Variants in KCNQ3 observed in about 807,000 individuals in gnomAD.
The protein encoded by KCNQ3 is potassium voltage-gated channel subfamily KQT member 3.
Under a neutral mutation model 92.5 loss-of-function variants are expected in KCNQ3, and 30 were observed. That is an observed-to-expected ratio of 0.32 (90% CI 0.24 to 0.44). The LOEUF (loss-of-function observed/expected upper bound fraction) is 0.44, where lower values mean the gene tolerates loss of function less well. Ranked by LOEUF, KCNQ3 falls within the 20% of genes least tolerant of loss-of-function variation. KCNQ3 has a pLI of 1.00. For synonymous variants in KCNQ3, 450 were observed against 468.8 expected (o/e 0.96, Z 0.52); for missense variants, 913 against 1,140.3 (o/e 0.80, Z 2.87).
At position 132,129,430 on chromosome 8, in the gene KCNQ3, C is replaced by A. The variant is rs754874948; in HGVS notation, c.2451G>T (p.Val817=). 8 of 1,614,094 alleles carry A rather than the reference C, an allele frequency of 5.0e-6. No individual in the cohort carries two copies. The Admixed American group carries it at 6.7e-5, about 13-fold the overall frequency. The part of the protein sequence containing the change: ...FSISQDRDDY[V]FGPNGGSSWM... ...AGCTCGACCCCCCATTGGGGCCGAA[C>A]ACATAATCATCTCTGTCCTGGGAGA... The change falls in exon 15 of 15, where the codon GTG becomes GTT. Residue 817 remains valine (V), a synonymous_variant. Transcript: ENST00000388996. The surrounding 1 kb of genome is among the most constrained non-coding windows in gnomAD (Gnocchi z 5.9).
At chr8:132,303,593 ATATATATGGTGTG>A (rs1392674569) in intron 1 of KCNQ3, among the ~76,000 whole-genome samples, 10 of 42,696 alleles carry the variant, frequency 2.3e-4, no homozygotes, top group South Asian at 9.6e-4. Context: ...GTGTGTGTAT[ATATATATGGTGTG>A]TATATATATA....
At position 132,405,854 on chromosome 8, in the gene KCNQ3, G is replaced by A. The variant is rs568725055; in HGVS notation, c.386+74293C>T. ...AGGAGGAGAATAAAAAGGCACCCTA[G>A]AGGAGGTGGTCCTGAAATGAACAGC... is the stretch of plus-strand genomic sequence containing the variant. On this transcript the variant is annotated intron_variant, in intron 1 of 14. Coordinates refer to ENST00000388996, the MANE Select transcript of KCNQ3 (RefSeq NM_004519.4). 3.3e-5 allele frequency among the ~76,000 whole-genome samples: 5 copies of A among 152,288 alleles called. No homozygotes were observed. In the East Asian group the frequency reaches 9.7e-4, roughly 29 times the overall value.
At chr8:132,297,530 G>C (rs2130573290) in intron 1 of KCNQ3, among the ~76,000 whole-genome samples, 1 of 152,230 alleles carries the variant, frequency 6.6e-6, no homozygotes, top group Admixed American at 6.5e-5. Context: ...GCTTTTCCTA[G>C]AGCCTTTCCC....
At chr8:132,370,126 C>T (rs529842666) in intron 1 of KCNQ3, among the ~76,000 whole-genome samples, 3 of 152,152 alleles carry the variant, frequency 2.0e-5, no homozygotes, top group South Asian at 2.1e-4. Context: ...TGGTTTCCAA[C>T]GGCTGTTACC....
intron 1 of KCNQ3, among the ~76,000 whole-genome samples, chr8:132,267,361 C>T (rs553837345): frequency 6.6e-6 from 1 of 152,144 alleles, no homozygotes; most frequent in South Asian, 2.1e-4. Context: ...GTATTGCCCA[C>T]GTCCTCTGTG....
chr8:132,409,013 T>C (rs1440476142), intron 1 of KCNQ3, among the ~76,000 whole-genome samples: 1 of 152,224 alleles, frequency 6.6e-6, no homozygotes. Flanking sequence ...ACAGAACTTG[T>C]AAGATAATAA....
At chr8:132,313,076 G>A (rs1817641771) in intron 1 of KCNQ3, among the ~76,000 whole-genome samples, 1 of 152,200 alleles carries the variant, frequency 6.6e-6, no homozygotes. Flanking sequence ...GTGGCAGTGA[G>A]CAAGGCCAAC....
intron 1 of KCNQ3, among the ~76,000 whole-genome samples, chr8:132,353,028 C>A (rs1165391226): frequency 6.6e-6 from 1 of 152,094 alleles, no homozygotes; most frequent in African/African-American, 2.4e-5. Context: ...AGTTTGAGAC[C>A]AGCCTGCCCA....
chr8:132,273,519 A>G (rs1816228993), intron 1 of KCNQ3, among the ~76,000 whole-genome samples: 1 of 152,208 alleles, frequency 6.6e-6, no homozygotes, highest in Non-Finnish European at 1.5e-5. Context: ...AAGACCTCTG[A>G]CATGCGTTGG....
intron 1 of KCNQ3, among the ~76,000 whole-genome samples, chr8:132,428,167 GTCC>G (rs200274709): frequency 0.012 from 1,759 of 152,076 alleles, 15 homozygotes; most frequent in Non-Finnish European, 0.02. Flanking sequence ...CTTTGAAACT[GTCC>G]TCCTCTTTTT....
intron 1 of KCNQ3, among the ~76,000 whole-genome samples, chr8:132,195,372 G>T (rs1261719480): frequency 6.6e-6 from 1 of 152,230 alleles, no homozygotes; most frequent in Non-Finnish European, 1.5e-5. Context: ...ACCCTGTGTT[G>T]TGAGGCTGCG....
intron 1 of KCNQ3, among the ~76,000 whole-genome samples, chr8:132,197,383 C>T (rs2130244196): frequency 6.6e-6 from 1 of 152,346 alleles, no homozygotes; most frequent in Admixed American, 6.5e-5. Context: ...CCCATTAACA[C>T]TGCCTCCAAC....
In KCNQ3 at chr8:132,303,565, G is replaced by GATAGATATATATATATATATATAT. The variant is rs1554642788; in HGVS notation, c.387-117385_387-117384insATATATATATATATATATATCTAT. On this transcript the variant is annotated intron_variant, in intron 1 of 14. Coordinates refer to ENST00000388996, the MANE Select transcript of KCNQ3 (RefSeq NM_004519.4). ...ACTTGTGATCAGATAAAGAAAATGT[G>GATAGATATATATATATATATATAT]ATATATATATATATGGTGTGTGTGT... Among the ~76,000 whole-genome samples, 9 of 42,564 alleles carry GATAGATATATATATATATATATAT rather than the reference G, an allele frequency of 2.1e-4. 1 individual carries two copies. The highest frequency in any genetic ancestry group is 8.5e-5 in the Non-Finnish European group (2 of 23,394). The allele number at this position is 42,564 out of a possible 152,430, so 27.9% of individuals were successfully genotyped here. A position where few individuals can be genotyped will look rare whatever the true frequency, so the allele number is the denominator to read the frequency against.
At chr8:132,283,909 T>G (rs189997652) in intron 1 of KCNQ3, among the ~76,000 whole-genome samples, 10 of 152,316 alleles carry the variant, frequency 6.6e-5, no homozygotes, top group African/African-American at 2.4e-4. Context: ...TTCTATTCAT[T>G]CAATTGAAAC....
chr8:132,400,555 GCA>G (rs1820307112), intron 1 of KCNQ3, among the ~76,000 whole-genome samples: 1 of 152,178 alleles, frequency 6.6e-6, no homozygotes, highest in African/African-American at 2.4e-5. Flanking sequence ...GCGGGTCCCT[GCA>G]CACACAACGA....
chr8:132,291,835 A>T (rs910084913), intron 1 of KCNQ3, among the ~76,000 whole-genome samples: 1 of 152,190 alleles, frequency 6.6e-6, no homozygotes, highest in African/African-American at 2.4e-5. Flanking sequence ...AAACAGCAAC[A>T]TTAAGCCTGT....
At chr8:132,333,816 C>T (rs1044201534) in intron 1 of KCNQ3, among the ~76,000 whole-genome samples, 4 of 151,732 alleles carry the variant, frequency 2.6e-5, no homozygotes, top group African/African-American at 9.7e-5. Context: ...TCACTGCAGC[C>T]TCCGGTTCCC....
At chr8:132,169,683 C>T (rs10283399) in intron 8 of KCNQ3, among the ~76,000 whole-genome samples, 59,544 of 151,806 alleles carry the variant, frequency 0.39, 12,009 homozygotes, top group East Asian at 0.47. Context: ...ACACATTGAT[C>T]GGACCTTTCC....
At chr8:132,389,715 A>G (rs76443836) in intron 1 of KCNQ3, among the ~76,000 whole-genome samples, 1,549 of 152,336 alleles carry the variant, frequency 0.01, 16 homozygotes, top group Non-Finnish European at 0.017. Flanking sequence ...GATTAAAGCC[A>G]CAACAAGACA....
Sources: allele counts gnomAD v4.1 joint callset (sites outside exome capture counted in the v4.1 genomes callset), GRCh38; gene constraint gnomAD v4.1.1; non-coding constraint Gnocchi (gnomAD v3.1); transcripts MANE v1.5; gene names NCBI Gene and HGNC (gene_info 2026-07-23, HGNC 2026-07-21).